The following FAM171A1 variants were observed in gnomAD, a reference collection of about 807,000 sequenced individuals.
The protein encoded by FAM171A1 is protein FAM171A1.
Under a neutral mutation model 74.9 loss-of-function variants are expected in FAM171A1, and 23 were observed. The ratio of observed to expected loss-of-function variants is 0.31; its 90% CI spans 0.22 to 0.44. FAM171A1 has a LOEUF of 0.44. FAM171A1 is among the 20% of genes least tolerant of loss of function. The pLI, the probability that FAM171A1 is intolerant of heterozygous loss-of-function variation, is 1.00. For missense variants in FAM171A1, 1,162 were observed against 1,159.2 expected (o/e 1.00, Z -0.03); for synonymous variants, 527 against 505.7 (o/e 1.04, Z -0.57).
intron 1 of FAM171A1, among the ~76,000 whole-genome samples, chr10:15,342,147 A>C (rs1835771650): frequency 6.6e-6 from 1 of 152,232 alleles, no homozygotes; most frequent in Non-Finnish European, 1.5e-5. Context: ...TCTACGGGCA[A>C]GCCATCCTGA....
intron 5 of FAM171A1, among the ~76,000 whole-genome samples, chr10:15,228,424 C>T (rs547827000): frequency 6.7e-6 from 1 of 148,904 alleles, no homozygotes; most frequent in Non-Finnish European, 1.5e-5. Flanking sequence ...CTCACTGCAA[C>T]CTCTGGTTCC....
chr10:15,331,867 ATGTGTG>A (rs58180755), intron 1 of FAM171A1, among the ~76,000 whole-genome samples: 2,892 of 82,806 alleles, frequency 0.035, 201 homozygotes, highest in Non-Finnish European at 0.039. Context: ...GTGTATATAT[ATGTGTG>A]TGTATACATA....
At chr10:15,238,669 G>A (rs1834326635) in intron 5 of FAM171A1, among the ~76,000 whole-genome samples, 1 of 152,124 alleles carries the variant, frequency 6.6e-6, no homozygotes, top group Admixed American at 6.6e-5. Flanking sequence ...AACATTCACC[G>A]TCTGAAGTGC....
chr10:15,301,328 A>C (rs566172303), intron 1 of FAM171A1, among the ~76,000 whole-genome samples: 1 of 149,694 alleles, frequency 6.7e-6, no homozygotes, highest in East Asian at 2.0e-4. Flanking sequence ...ACACGCCAAC[A>C]TGCCCACACG....
At chr10:15,214,629 A>T in intron 7 of FAM171A1, 28 bp from the exon 8 acceptor site, 3 of 1,528,456 alleles carry the variant, frequency 2.0e-6, no homozygotes, top group Non-Finnish European at 2.6e-6. Context: ...ATCCAAAGCC[A>T]AAGATTAGTG....
chr10:15,283,115 C>T (rs10906880), intron 2 of FAM171A1, among the ~76,000 whole-genome samples: 44,815 of 152,082 alleles, frequency 0.29, 7,947 homozygotes, highest in South Asian at 0.57. Flanking sequence ...CCATCTTTGC[C>T]TAAGCCTAGG....
intron 5 of FAM171A1, among the ~76,000 whole-genome samples, chr10:15,223,249 T>C (rs546133720): frequency 7.2e-5 from 11 of 152,328 alleles, no homozygotes; most frequent in African/African-American, 2.6e-4. Flanking sequence ...GTAGAGAATG[T>C]TTGCGACTGC....
intron 3 of FAM171A1, among the ~76,000 whole-genome samples, chr10:15,273,526 T>C (rs1333795032): frequency 6.6e-6 from 1 of 152,160 alleles, no homozygotes; most frequent in Non-Finnish European, 1.5e-5. Context: ...GAGGGAATCT[T>C]CCCTAACTCA....
chr10:15,293,533 T>C (rs1462399475), intron 1 of FAM171A1, among the ~76,000 whole-genome samples: 2 of 101,444 alleles, frequency 2.0e-5, no homozygotes, highest in East Asian at 3.1e-4. Context: ...AGAATGAAAC[T>C]GGCTAGGAAC....
Position 15,371,207 on chromosome 10 carries a change from C to A in FAM171A1, c.-155G>T. ...GCCCGGCCCCGCCGCCCCGGCCGCT[C>A]CCTCCCGCGCCCCGCGCCGGGTTTC... is the stretch of plus-strand genomic sequence containing the variant. On this transcript the variant is annotated 5_prime_UTR_variant, in exon 1 of 8. Coordinates refer to ENST00000378116, the MANE Select transcript of FAM171A1 (RefSeq NM_001010924.2). 6.3e-6 allele frequency: 1 copy of A among 158,754 alleles called. No homozygotes were observed. Among genetic ancestry groups the A allele is most frequent in the South Asian group, 1.8e-4 (1 of 5,472 alleles). The allele number at this position is 158,754 out of a possible 1,614,324, so 9.8% of individuals were successfully genotyped here.
At chr10:15,326,510 T>C (rs1352123150) in intron 1 of FAM171A1, among the ~76,000 whole-genome samples, 1 of 151,992 alleles carries the variant, frequency 6.6e-6, no homozygotes, top group East Asian at 1.9e-4. Flanking sequence ...AGATGGGGTT[T>C]TGCCATGTTG....
Position 15,312,634 on chromosome 10 carries a change from G to GAATGTA in FAM171A1, c.98-28535_98-28530dup, listed in dbSNP as rs1356040665. Among the ~76,000 whole-genome samples, 5 of 130,934 alleles carry GAATGTA rather than the reference G, an allele frequency of 3.8e-5. No individual in the cohort carries two copies. In the Admixed American group the frequency reaches 4.1e-4, roughly 11 times the overall value. The allele number at this position is 130,934 out of a possible 152,430, so 85.9% of individuals were successfully genotyped here. The stretch of plus-strand genomic sequence containing the variant: ...TACTCTTTTTAAAAATCTGTCACCG[G>GAATGTA]AATGTAAATCAACTACTGGAATGAG... On this transcript the variant is annotated intron_variant, in intron 1 of 7. Coordinates refer to ENST00000378116, the MANE Select transcript of FAM171A1 (RefSeq NM_001010924.2).
At chr10:15,311,295 G>C (rs970037250) in intron 1 of FAM171A1, among the ~76,000 whole-genome samples, 3 of 152,180 alleles carry the variant, frequency 2.0e-5, no homozygotes, top group African/African-American at 7.2e-5. Flanking sequence ...CAATGTATTT[G>C]TTGCAGGATT....
intron 1 of FAM171A1, among the ~76,000 whole-genome samples, chr10:15,307,069 G>A (rs1401428065): frequency 6.6e-6 from 1 of 152,146 alleles, no homozygotes; most frequent in Non-Finnish European, 1.5e-5. Flanking sequence ...CTCTCTGTTG[G>A]GTGACCTTAT....
intron 1 of FAM171A1, among the ~76,000 whole-genome samples, chr10:15,294,266 T>G (rs556722419): frequency 6.6e-6 from 1 of 152,306 alleles, no homozygotes; most frequent in South Asian, 2.1e-4. Flanking sequence ...TGATTCTATC[T>G]AGCTGGGGAC....
chr10:15,214,485 C>G lies in FAM171A1; in HGVS notation c.1103G>C (p.Arg368Pro). 6.2e-7 allele frequency: 1 copy of G among 1,614,172 alleles called. No homozygotes were observed. The highest frequency in any genetic ancestry group is 1.3e-5 in the African/African-American group (1 of 75,036). Residue 368 changes from arginine (R) to proline (P), a missense_variant, in exon 8 of 8, where the codon CGC (arginine) becomes CCC (proline). Arg to Pro is a moderately radical substitution (Grantham distance 103, BLOSUM62 -2). Transcript: ENST00000378116. ...CGGGCCAGGGAATTCTGACGCTCGG[C>G]GTGAAAACAGCAAGTTAATGTGTGA... The part of the protein sequence containing the change: ...SMSHINLLFS[R>P]RASEFPGPLS...
chr10:15,262,782 G>GGGA (rs1834675262), intron 3 of FAM171A1, among the ~76,000 whole-genome samples: 1 of 152,106 alleles, frequency 6.6e-6, no homozygotes, highest in African/African-American at 2.4e-5. Context: ...CATAAATCCA[G>GGGA]GGAGGTGTGA....
Position 15,213,469 on chromosome 10 carries a change from C to A in FAM171A1, c.2119G>T (p.Ala707Ser). The change falls in exon 8 of 8, where the codon GCG becomes TCG. Residue 707 changes from alanine (A) to serine (S), a missense_variant. Transcript: ENST00000378116. The surrounding 1 kb of genome is among the most constrained non-coding windows in gnomAD (Gnocchi z 6.8). ...GGGKPLPHPRAWFVSLDGRSN... is the reference protein window; with the variant it reads ...GGGKPLPHPRSWFVSLDGRSN... ...CTGCCATCCAAGGAGACGAACCACG[C>A]CCGGGGGTGCGGAAGCGGCTTCCCA... The A allele has an allele frequency of 6.2e-7, 1 of 1,614,192 alleles. No individual in the cohort carries two copies. Among genetic ancestry groups the A allele is most frequent in the Non-Finnish European group, 8.5e-7 (1 of 1,180,052 alleles).
rs181158220 is a variant in FAM171A1, at chr10:15,348,660, G to A, written c.97+22296C>T. Among the ~76,000 whole-genome samples the A allele has an allele frequency of 5.4e-3, 816 of 152,244 alleles. 2 individuals are homozygous for A. The highest frequency in any genetic ancestry group is 0.02 in the Middle Eastern group (6 of 294). ...CTCCAACCAGCAGCATCAGCCTCAC[G>A]GAAGAGCTTGTTAACAGTACAGCCT... On this transcript the variant is annotated intron_variant, in intron 1 of 7. Coordinates refer to ENST00000378116, the MANE Select transcript of FAM171A1 (RefSeq NM_001010924.2).
Sources: gnomAD v4.1 joint callset for allele counts (sites outside exome capture counted in the v4.1 genomes callset) on GRCh38, gnomAD v4.1.1 for gene constraint, Gnocchi (gnomAD v3.1) non-coding constraint, MANE v1.5 for transcripts, NCBI Gene and HGNC (gene_info 2026-07-23, HGNC 2026-07-21) for gene names.